GSE1: variants seen among roughly 807,000 people sequenced by gnomAD.
GSE1 encodes genetic suppressor element 1.
In GSE1, 32 loss-of-function variants were observed where a neutral mutation model predicts 112.6. That is an observed-to-expected ratio of 0.28 (90% CI 0.21 to 0.38). GSE1 has a LOEUF of 0.38. Ranked by LOEUF, GSE1 falls within the 10% of genes least tolerant of loss-of-function variation. GSE1 has a pLI of 1.00. For synonymous variants in GSE1, 1,115 were observed against 735.6 expected (o/e 1.52, Z -8.35); for missense variants, 2,348 against 1,699.2 (o/e 1.38, Z -6.71).
chr16:85,670,853 T>G (rs908787718), intron 14 of GSE1, 142 bp from the exon 15 acceptor site: 1 of 614,106 alleles, frequency 1.6e-6, no homozygotes, highest in African/African-American at 1.9e-5. Flanking sequence ...CTGGGAGCAT[T>G]GTGGTCCACA....
At chr16:85,565,578 G>A (rs1476024584) in intron 1 of GSE1, among the ~76,000 whole-genome samples, 2 of 152,132 alleles carry the variant, frequency 1.3e-5, no homozygotes, top group Admixed American at 1.3e-4. Context: ...GGGAAGCTCT[G>A]GAGAGAAGGG....
chr16:85,605,036 C>G (rs2151500209), intron 1 of GSE1, among the ~76,000 whole-genome samples: 1 of 149,634 alleles, frequency 6.7e-6, no homozygotes, highest in East Asian at 2.0e-4. Context: ...CCAGGATGGT[C>G]TCGATCTCCT....
At chr16:85,576,518 C>T (rs1445330407) in intron 1 of GSE1, among the ~76,000 whole-genome samples, 4 of 152,180 alleles carry the variant, frequency 2.6e-5, no homozygotes, top group Non-Finnish European at 4.4e-5. Flanking sequence ...GATCACCTGA[C>T]ATCTGGGCCG....
chr16:85,510,996 T>C (rs1163282569), intron 2 of GSE1, among the ~76,000 whole-genome samples: 1 of 152,250 alleles, frequency 6.6e-6, no homozygotes, highest in Non-Finnish European at 1.5e-5. Flanking sequence ...TCCACTTGCA[T>C]GCGTTGCTCT....
intron 1 of GSE1, among the ~76,000 whole-genome samples, chr16:85,214,523 A>T (rs897990211): frequency 6.6e-6 from 1 of 152,114 alleles, no homozygotes; most frequent in African/African-American, 2.4e-5. Context: ...GAGCCTTCAG[A>T]GGCAGCGCGG....
chr16:85,566,542 A>C (rs544632839), intron 1 of GSE1, among the ~76,000 whole-genome samples: 1 of 152,306 alleles, frequency 6.6e-6, no homozygotes, highest in South Asian at 2.1e-4. Context: ...TTTCTTTGTT[A>C]TAGATTTCTT....
chr16:85,562,233 T>A (rs1450062223), intron 1 of GSE1, among the ~76,000 whole-genome samples: 1 of 152,184 alleles, frequency 6.6e-6, no homozygotes, highest in Non-Finnish European at 1.5e-5. Flanking sequence ...AGTCACTAAT[T>A]AATCTTCCGA....
In GSE1 at chr16:85,613,461, C is replaced by G. The variant is rs544189275; in HGVS notation, c.7+63C>G. 135 of 1,426,368 alleles carry G rather than the reference C, an allele frequency of 9.5e-5. No homozygotes were observed. The African/African-American group carries it at 1.9e-3, about 20-fold the overall frequency. 88.4% of individuals were successfully genotyped at this position (1,426,368 alleles called of 1,614,324 possible). A position where few individuals can be genotyped will look rare whatever the true frequency, so the allele number is the denominator to read the frequency against. On this transcript the variant is annotated intron_variant, in intron 1 of 15. Coordinates refer to ENST00000253458, the MANE Select transcript of GSE1 (RefSeq NM_014615.5). ...CCCCTCCCCCCACCGCACTGTCCTCCTGCAAGTTCGCGGGTTTCGCGGGGG... is the reference window on the plus strand; with the variant it reads ...CCCCTCCCCCCACCGCACTGTCCTCGTGCAAGTTCGCGGGTTTCGCGGGGG...
At position 85,668,348 on chromosome 16, in the gene GSE1, A is replaced by G. The variant is rs776855998; in HGVS notation, c.3339A>G (p.Glu1113=). The change falls in exon 14 of 16, where the codon GAA becomes GAG. Residue 1113 remains glutamate (E), a synonymous_variant. Transcript: ENST00000253458. ...AAGAGGAGGATGATGAAGATGGAGA[A>G]GATGAGGAGGAAGTCCCCAAGCGCA... The part of the protein sequence containing the change: ...EEEEEDDEDG[E]DEEEVPKRKW... The G allele has an allele frequency of 6.2e-7, 1 of 1,613,372 alleles. No individual in the cohort carries two copies. The highest frequency in any genetic ancestry group is 8.5e-7 in the Non-Finnish European group (1 of 1,179,648).
rs1039246905 is a variant in GSE1 at position 85,463,132 on chromosome 16, G to C, written c.2464+105489G>C. ...TCTCTGCTCCAGAACCTCAGTAAGT[G>C]CCCAGCTCACCGCCCCGTGGACGGG... On this transcript the variant is annotated intron_variant, in intron 2 of 2. Coordinates refer to the GSE1 transcript ENST00000637419. 3.0e-6 allele frequency: 3 copies of C among 984,274 alleles called. No homozygotes were observed. In the African/African-American group the frequency reaches 5.2e-5, roughly 17 times the overall value. 61.0% of individuals were successfully genotyped at this position (984,274 alleles called of 1,614,324 possible). A position where few individuals can be genotyped will look rare whatever the true frequency, so the allele number is the denominator to read the frequency against.
intron 1 of GSE1, among the ~76,000 whole-genome samples, chr16:85,581,751 G>A (rs947573028): frequency 2.6e-5 from 4 of 152,136 alleles, no homozygotes; most frequent in Non-Finnish European, 5.9e-5. Flanking sequence ...CAGTGAGCTC[G>A]CCCTTCCTTG....
rs540888213 is a variant in GSE1, at chr16:85,311,904, C to T, written c.2284-45559C>T. ...TTCATGAGGGTTGTGAAGTCCCTGC[C>T]TTCCCGGGTTCCCTCCGCCGGCCCA... On this transcript the variant is annotated intron_variant, in intron 1 of 2. Coordinates refer to the GSE1 transcript ENST00000637419. The surrounding 1 kb of genome is among the most constrained non-coding windows in gnomAD (Gnocchi z 4.2). Among the ~76,000 whole-genome samples the T allele has an allele frequency of 1.1e-4, 16 of 152,312 alleles. No homozygotes were observed. In the East Asian group the frequency reaches 3.1e-3, roughly 29 times the overall value.
intron 1 of GSE1, among the ~76,000 whole-genome samples, chr16:85,315,369 A>AAAAAGGCAGGG (rs1156444060): frequency 4.6e-5 from 7 of 152,200 alleles, no homozygotes; most frequent in Non-Finnish European, 1.0e-4. Flanking sequence ...TTCAGATGGC[A>AAAAAGGCAGGG]AACAGGCAGG....
Position 85,473,046 on chromosome 16 carries a change from C to T in GSE1, c.2464+115403C>T, listed in dbSNP as rs537164602. ...GTGGGGGCACAGGAGGTGCGCCCGG[C>T]ACCAAGATGCCAGGAGCAGGGCACA... On this transcript the variant is annotated intron_variant, in intron 2 of 2. Transcript: ENST00000637419. Among the ~76,000 whole-genome samples the T allele has an allele frequency of 4.6e-5, 7 of 152,350 alleles. No individual in the cohort carries two copies. The East Asian group carries it at 1.4e-3, about 29-fold the overall frequency.
chr16:85,511,494 C>T (rs577529004), intron 2 of GSE1, among the ~76,000 whole-genome samples: 56 of 149,782 alleles, frequency 3.7e-4, no homozygotes, highest in African/African-American at 1.4e-3. Context: ...TGCCATTGCA[C>T]TCCAGCCTGG....
chr16:85,460,385 G>T (rs535674885), intron 2 of GSE1, among the ~76,000 whole-genome samples: 1 of 152,298 alleles, frequency 6.6e-6, no homozygotes, highest in Non-Finnish European at 1.5e-5. Context: ...GAATTGTCCC[G>T]TCGAGCAGGG....
At chr16:85,422,328 G>A (rs968433504) in intron 2 of GSE1, among the ~76,000 whole-genome samples, 11 of 152,112 alleles carry the variant, frequency 7.2e-5, no homozygotes, top group African/African-American at 2.7e-4. Context: ...CTCCCGGCAA[G>A]ACTGACAGTA....
At chr16:85,469,059 A>C (rs953606183) in intron 2 of GSE1, among the ~76,000 whole-genome samples, 3 of 152,146 alleles carry the variant, frequency 2.0e-5, no homozygotes, top group African/African-American at 4.8e-5. Flanking sequence ...GTTCAAGACC[A>C]GCCCGGCCAA....
intron 2 of GSE1, among the ~76,000 whole-genome samples, chr16:85,635,505 ACT>A (rs142350545): frequency 0.3 from 45,729 of 151,840 alleles, 7,336 homozygotes; most frequent in Non-Finnish European, 0.34. Context: ...GGCATCCTGG[ACT>A]CTCTGGGGCG....
Sources: allele counts gnomAD v4.1 joint callset (sites outside exome capture counted in the v4.1 genomes callset), GRCh38; gene constraint gnomAD v4.1.1; non-coding constraint Gnocchi (gnomAD v3.1); transcripts MANE v1.5; gene names NCBI Gene and HGNC (gene_info 2026-07-23, HGNC 2026-07-21).